The following CACNB2 variants were observed in gnomAD, a reference collection of about 807,000 sequenced individuals.
The protein encoded by CACNB2 is voltage-dependent L-type calcium channel subunit beta-2.
In CACNB2, 42 loss-of-function variants were observed where a neutral mutation model predicts 73.3. That is an observed-to-expected ratio of 0.57 (90% confidence interval 0.45 to 0.74). CACNB2 has a LOEUF of 0.74. Ranked by LOEUF, CACNB2 falls within the 30% of genes least tolerant of loss-of-function variation. The probability of loss-of-function intolerance (pLI) is 0.00; values close to 1 mark genes in which losing one functional copy is unlikely to be tolerated. For missense variants in CACNB2, 940 were observed against 853.0 expected, an observed-to-expected ratio of 1.10 and a Z score of -1.27; for synonymous variants, 348 against 310.3, an observed-to-expected ratio of 1.12 and a Z score of -1.28.
At chr10:18,526,636 T>C (rs536541055) in intron 9 of CACNB2, among the ~76,000 whole-genome samples, 33 of 152,244 alleles carry the variant, frequency 2.2e-4, no homozygotes, top group Non-Finnish European at 4.0e-4. Context: ...ATTTGCTATT[T>C]CCAGTTCCCA....
rs372109891 is a variant in CACNB2 at position 18,172,809 on chromosome 10, A to G, written c.213+21834A>G. 4.6e-5 allele frequency among the ~76,000 whole-genome samples: 7 copies of G among 151,846 alleles called. No individual in the cohort carries two copies. The East Asian group carries it at 9.7e-4, about 21-fold the overall frequency. On this transcript the variant is annotated intron_variant, in intron 2 of 13. Coordinates refer to ENST00000324631, the MANE Select transcript of CACNB2 (RefSeq NM_201596.3). ...AATTCCCTAGTCATTATGAACACCAACTCCAAGCCTGAATTCTTATCCACG... is the reference window on the plus strand; with the variant it reads ...AATTCCCTAGTCATTATGAACACCAGCTCCAAGCCTGAATTCTTATCCACG...
chr10:18,197,357 C>T (rs1186121710), intron 2 of CACNB2, among the ~76,000 whole-genome samples: 1 of 152,120 alleles, frequency 6.6e-6, no homozygotes, highest in Non-Finnish European at 1.5e-5. Flanking sequence ...ATGTTTTTGC[C>T]TGCAAGGAAC....
intron 3 of CACNB2, among the ~76,000 whole-genome samples, chr10:18,418,717 T>C (rs987714342): frequency 2.0e-5 from 3 of 151,890 alleles, no homozygotes; most frequent in Admixed American, 6.6e-5. Context: ...GTCACTTCCC[T>C]TTTTTTTGGT....
chr10:18,301,049 G>A lies in CACNB2; in HGVS notation c.214-100875G>A, dbSNP rs1050463788. Among the ~76,000 whole-genome samples the A allele has an allele frequency of 2.0e-5, 3 of 152,236 alleles. No individual in the cohort carries two copies. The South Asian group carries it at 6.2e-4, about 32-fold the overall frequency. On this transcript the variant is annotated intron_variant, in intron 2 of 13. Transcript: ENST00000324631. ...GTTACCCAAAAGTGAAAGTGAGATG[G>A]AGACTCTCAAGGTAGAGAGAAAACC...
chr10:18,527,589 A>T lies in CACNB2; in HGVS notation c.946A>T (p.Ile316Leu), dbSNP rs145069506. Residue 316 changes from isoleucine (I) to leucine (L), a missense_variant and splice_region_variant, in exon 10 of 14, where the codon ATA becomes TTA. Transcript: ENST00000324631. ...DFLKHRFEGRISITRVTADIS... is the reference protein window; with the variant it reads ...DFLKHRFEGRLSITRVTADIS... ...TTCTGTGACTTTTTCCTCCAACAGG[A>T]TATCCATCACAAGGGTCACCGCTGA... 28 of 1,609,730 alleles carry T rather than the reference A, an allele frequency of 1.7e-5. No homozygotes were observed. The highest frequency in any genetic ancestry group is 2.4e-5 in the Non-Finnish European group (28 of 1,176,076).
chr10:18,279,484 T>C (rs952261064), intron 2 of CACNB2, among the ~76,000 whole-genome samples: 1 of 152,248 alleles, frequency 6.6e-6, no homozygotes, highest in Non-Finnish European at 1.5e-5. Flanking sequence ...GGGATGTGTC[T>C]TTGAAGTTCC....
intron 2 of CACNB2, among the ~76,000 whole-genome samples, chr10:18,365,022 A>G (rs1437585489): frequency 1.3e-5 from 2 of 152,202 alleles, no homozygotes; most frequent in Admixed American, 6.5e-5. Flanking sequence ...AAAGAGGTGT[A>G]TAAATTAATC....
chr10:18,453,010 C>T (rs1046822926), intron 3 of CACNB2, among the ~76,000 whole-genome samples: 41 of 152,242 alleles, frequency 2.7e-4, no homozygotes, highest in African/African-American at 7.9e-4. Flanking sequence ...TTGCTCAAGC[C>T]GAAAGCATCC....
chr10:18,365,655 A>G (rs557191219), intron 2 of CACNB2, among the ~76,000 whole-genome samples: 3 of 152,330 alleles, frequency 2.0e-5, no homozygotes, highest in South Asian at 4.1e-4. Context: ...CTGAAGGAAA[A>G]TTAAATATTT....
intron 7 of CACNB2, among the ~76,000 whole-genome samples, chr10:18,517,098 C>CG (rs2051359095): frequency 6.6e-6 from 1 of 152,120 alleles, no homozygotes. Context: ...TCTTGAGTGA[C>CG]GGGCAGATGC....
At chr10:18,257,286 C>G (rs1214725162) in intron 2 of CACNB2, 1 of 152,232 alleles carries the variant, frequency 6.6e-6, no homozygotes, top group African/African-American at 2.4e-5. Context: ...CTGGGACATT[C>G]ATCTTAGCCC....
intron 3 of CACNB2, among the ~76,000 whole-genome samples, chr10:18,473,318 A>T (rs912323952): frequency 1.3e-5 from 2 of 152,236 alleles, no homozygotes; most frequent in Non-Finnish European, 2.9e-5. Flanking sequence ...GTTAATATGA[A>T]TTGATAAATA....
At chr10:18,207,042 T>C (rs748175109) in intron 2 of CACNB2, among the ~76,000 whole-genome samples, 5 of 152,202 alleles carry the variant, frequency 3.3e-5, no homozygotes, top group Non-Finnish European at 5.9e-5. Context: ...AGAGTCTCAC[T>C]CTGTCACCCA....
chr10:18,303,397 CA>C (rs2039603403), intron 2 of CACNB2, among the ~76,000 whole-genome samples: 1 of 152,002 alleles, frequency 6.6e-6, no homozygotes, highest in Non-Finnish European at 1.5e-5. Flanking sequence ...CCCAGCCGCT[CA>C]GGGGGCTGAG....
At chr10:18,150,853 G>GTATTTTTTTTTTTTTTTTTT (rs756678637) in intron 1 of CACNB2, 30 bp from the exon 2 acceptor site, 7 of 655,456 alleles carry the variant, frequency 1.1e-5, no homozygotes, top group East Asian at 6.3e-5. Flanking sequence ...AATCTTATTT[G>GTATTTTTTTTTTTTTTTTTT]TCTTTTTTTT....
intron 1 of CACNB2, among the ~76,000 whole-genome samples, chr10:18,142,773 G>A (rs2030553238): frequency 6.6e-6 from 1 of 152,212 alleles, no homozygotes; most frequent in South Asian, 2.1e-4. Context: ...AAATGATTCT[G>A]ATGTGAAAAG....
At chr10:18,315,499 T>TAAA (rs756721525) in intron 2 of CACNB2, among the ~76,000 whole-genome samples, 6,639 of 39,252 alleles carry the variant, frequency 0.17, 722 homozygotes, top group Non-Finnish European at 0.2. Context: ...TGTCTCTATT[T>TAAA]AAAAAAAAAA....
intron 2 of CACNB2, among the ~76,000 whole-genome samples, chr10:18,354,087 A>G (rs2041819640): frequency 6.6e-6 from 1 of 152,156 alleles, no homozygotes; most frequent in African/African-American, 2.4e-5. Context: ...CATTGGACAA[A>G]TTATCCAGAG....
intron 2 of CACNB2, among the ~76,000 whole-genome samples, chr10:18,217,273 C>T (rs1408276760): frequency 6.6e-6 from 1 of 152,116 alleles, no homozygotes; most frequent in Non-Finnish European, 1.5e-5. Flanking sequence ...CACCTGAGGT[C>T]AGGAGTTCGA....
Sources: gnomAD v4.1 joint callset for allele counts (sites outside exome capture counted in the v4.1 genomes callset) on GRCh38, gnomAD v4.1.1 for gene constraint, MANE v1.5 for transcripts, NCBI Gene and HGNC (gene_info 2026-07-23, HGNC 2026-07-21) for gene names.